The following SLC19A3 variants were observed in gnomAD, a reference collection of about 807,000 sequenced individuals.
SLC19A3 encodes the protein thiamine transporter 2.
A neutral mutation model predicts 40.2 loss-of-function variants in SLC19A3; 31 were observed. The observed-to-expected ratio is 0.77, with a 90% CI of 0.58 to 1.04. The LOEUF is 1.04. Among genes scored for constraint, SLC19A3 ranks in the 50% least tolerant of loss-of-function variants. The pLI is 0.00. For missense variants in SLC19A3, 592 were observed against 596.7 expected (o/e 0.99, Z 0.08); for synonymous variants, 212 against 227.5 (o/e 0.93, Z 0.61).
intron 1 of SLC19A3, among the ~76,000 whole-genome samples, chr2:227,715,731 G>T (rs1037043070): frequency 6.6e-6 from 1 of 151,918 alleles, no homozygotes; most frequent in Non-Finnish European, 1.5e-5. Flanking sequence ...AACATAAAAC[G>T]GCTTAGAAAG....
intron 1 of SLC19A3, among the ~76,000 whole-genome samples, chr2:227,711,406 C>G (rs1307552395): frequency 6.8e-6 from 1 of 146,376 alleles, no homozygotes; most frequent in Non-Finnish European, 1.5e-5. Context: ...GGTGACAGAG[C>G]GAGACTCTGT....
chr2:227,710,392 T>C (rs918706624), intron 1 of SLC19A3, among the ~76,000 whole-genome samples: 1 of 152,072 alleles, frequency 6.6e-6, no homozygotes, highest in African/African-American at 2.4e-5. Flanking sequence ...CCAGACTCCA[T>C]CTCTACAAAA....
In SLC19A3 at chr2:227,684,980, C is replaced by CAAAAAAAAAAAAAAAAAAAAAAAAAAA. The variant is rs60946199; in HGVS notation, c.*2416_*2417insTTTTTTTTTTTTTTTTTTTTTTTTTTT. ...CCTGGGTGACAGAGCAAGATTCTAT[C>CAAAAAAAAAAAAAAAAAAAAAAAAAAA]AAAAAAAAAAAAAAAAAAAAAAAAA... On this transcript the variant is annotated 3_prime_UTR_variant, in exon 6 of 6. Transcript: ENST00000644224. 1.6e-5 allele frequency: 1 copy of CAAAAAAAAAAAAAAAAAAAAAAAAAAA among 62,420 alleles called. No individual in the cohort carries two copies. The highest frequency in any genetic ancestry group is 3.0e-5 in the Non-Finnish European group (1 of 33,066). The allele number at this position is 62,420 out of a possible 1,614,324, so 3.9% of individuals were successfully genotyped here.
At chr2:227,709,583 G>T (rs1372812338) in intron 1 of SLC19A3, among the ~76,000 whole-genome samples, 2 of 152,094 alleles carry the variant, frequency 1.3e-5, no homozygotes, top group African/African-American at 4.8e-5. Context: ...TATTTGGTCA[G>T]ATTCCTCCAC....
intron 4 of SLC19A3, among the ~76,000 whole-genome samples, chr2:227,689,511 A>G (rs1206292085): frequency 2.6e-5 from 4 of 152,194 alleles, no homozygotes; most frequent in Non-Finnish European, 5.9e-5. Context: ...TATCCAGTGA[A>G]AATATCAAAC....
intron 1 of SLC19A3, among the ~76,000 whole-genome samples, chr2:227,714,272 G>A (rs921061099): frequency 6.6e-6 from 1 of 152,112 alleles, no homozygotes; most frequent in African/African-American, 2.4e-5. Flanking sequence ...TAGGAAAACT[G>A]AACAGGATCT....
chr2:227,708,913 T>A (rs531099445), intron 1 of SLC19A3, among the ~76,000 whole-genome samples: 41 of 152,276 alleles, frequency 2.7e-4, no homozygotes, highest in African/African-American at 8.9e-4. Flanking sequence ...CTTCAGTGAG[T>A]CTTATCTCAG....
chr2:227,686,341 G>T lies in SLC19A3; in HGVS notation c.*1056C>A. 3.5e-6 allele frequency: 1 copy of T among 287,010 alleles called. No individual in the cohort carries two copies. The highest frequency in any genetic ancestry group is 2.9e-5 in the South Asian group (1 of 34,354). The allele number at this position is 287,010 out of a possible 1,614,324, so 17.8% of individuals were successfully genotyped here. ...TGCTCTTTTTTGGGAGGAGGGGGAT[G>T]AGAGTCTTACTCTGTTGCCCAGGCT... On this transcript the variant is annotated 3_prime_UTR_variant, in exon 6 of 6. Transcript: ENST00000644224.
chr2:227,717,809 C>G (rs1439299100), intron 1 of SLC19A3, 134 bp downstream of exon 1: 1 of 679,010 alleles, frequency 1.5e-6, no homozygotes, highest in African/African-American at 1.9e-5. Flanking sequence ...TCACGCGGCT[C>G]AGAGTGTAGC....
At chr2:227,695,172 C>A (rs1356381581) in intron 4 of SLC19A3, among the ~76,000 whole-genome samples, 1 of 152,114 alleles carries the variant, frequency 6.6e-6, no homozygotes, top group Non-Finnish European at 1.5e-5. Context: ...TCCTGAGAAT[C>A]TTTTGTGTCA....
At position 227,686,419 on chromosome 2, in the gene SLC19A3, AC is replaced by A. The variant is rs569329913; in HGVS notation, c.*977del. 106 of 161,370 alleles carry A rather than the reference AC, an allele frequency of 6.6e-4. No individual in the cohort carries two copies. The highest frequency in any genetic ancestry group is 1.2e-3 in the Non-Finnish European group (87 of 72,954). 10.0% of individuals were successfully genotyped at this position (161,370 alleles called of 1,614,324 possible). On this transcript the variant is annotated 3_prime_UTR_variant, in exon 6 of 6. Coordinates refer to ENST00000644224, the MANE Select transcript of SLC19A3 (RefSeq NM_025243.4). The stretch of plus-strand genomic sequence containing the variant: ...CTGTAGCCTCTGACTCCTGTGCTCA[AC>A]CCATCCTCCCACCATGGCCTCCCAA...
chr2:227,706,033 G>A (rs1288070421), intron 1 of SLC19A3, among the ~76,000 whole-genome samples: 1 of 148,148 alleles, frequency 6.8e-6, no homozygotes, highest in African/African-American at 2.5e-5. Context: ...GGGCGACAGA[G>A]TGAGATCCTG....
chr2:227,698,593 C>A, intron 3 of SLC19A3, 143 bp downstream of exon 3: 5 of 796,842 alleles, frequency 6.3e-6, no homozygotes, highest in Admixed American at 2.0e-5. Context: ...GCCACCATGC[C>A]CGGCCGTGAC....
At chr2:227,690,909 T>C (rs1020847620) in intron 4 of SLC19A3, among the ~76,000 whole-genome samples, 2 of 151,886 alleles carry the variant, frequency 1.3e-5, no homozygotes, top group South Asian at 2.1e-4. Flanking sequence ...ATCTGCACTA[T>C]AGAAAAAATG....
chr2:227,706,524 G>T (rs371404259), intron 1 of SLC19A3: 2 of 1,151,520 alleles, frequency 1.7e-6, no homozygotes, highest in Admixed American at 4.4e-5. Flanking sequence ...TAATCCCAGC[G>T]CTTTGGGAGG....
Position 227,699,480 on chromosome 2 carries a change from A to C in SLC19A3, c.235T>G (p.Tyr79Asp). 6.2e-7 allele frequency: 1 copy of C among 1,614,236 alleles called. No homozygotes were observed. Among genetic ancestry groups the C allele is most frequent in the South Asian group, 1.1e-5 (1 of 91,086 alleles). Residue 79 changes from tyrosine to aspartate, a missense_variant, in exon 3 of 6, where the codon TAC becomes GAC. Tyr to Asp is a radical substitution (Grantham distance 160). Transcript: ENST00000644224. ...PVFVLTDYVR[Y>D]KPVIILQGIS... ...CCTTGCAAGATGATGACTGGCTTGT[A>C]GCGGACATAATCGGTGAGGACAAAC...
intron 4 of SLC19A3, among the ~76,000 whole-genome samples, chr2:227,689,752 G>A (rs1695150871): frequency 6.6e-6 from 1 of 152,124 alleles, no homozygotes; most frequent in Non-Finnish European, 1.5e-5. Flanking sequence ...ACTCTCATAA[G>A]TAGAAAGACT....
At position 227,687,347 on chromosome 2, in the gene SLC19A3, C is replaced by T. The variant is rs745730487; in HGVS notation, c.*50G>A. ...TATGCCACCCATCTCAAAATCTTTC[C>T]TTATTATTGCATAACTTTGAAAGCC... On this transcript the variant is annotated 3_prime_UTR_variant, in exon 6 of 6. Transcript: ENST00000644224. 58 of 1,548,434 alleles carry T rather than the reference C, an allele frequency of 3.7e-5. No homozygotes were observed. Among genetic ancestry groups the T allele is most frequent in the Non-Finnish European group, 4.8e-5 (55 of 1,143,718 alleles).
At chr2:227,692,854 A>G (rs1354711755) in intron 4 of SLC19A3, among the ~76,000 whole-genome samples, 1 of 152,228 alleles carries the variant, frequency 6.6e-6, no homozygotes, top group East Asian at 1.9e-4. Flanking sequence ...AGTTCAGTAT[A>G]TTTGCAGGAC....
Sources: gnomAD v4.1 joint callset for allele counts (sites outside exome capture counted in the v4.1 genomes callset) on GRCh38, gnomAD v4.1.1 for gene constraint, MANE v1.5 for transcripts, NCBI Gene and HGNC (gene_info 2026-07-23, HGNC 2026-07-21) for gene names.